The following FGF23 variants were observed in gnomAD, a reference collection of about 807,000 sequenced individuals.
The protein encoded by FGF23 is fibroblast growth factor 23.
Under a neutral mutation model 9.0 loss-of-function variants are expected in FGF23, and 8 were observed. That is an observed-to-expected ratio of 0.89 (90% CI 0.52 to 1.60). The LOEUF is 1.60. Ranked by LOEUF, FGF23 falls within the 40% of genes most tolerant of loss-of-function variation. The pLI is 0.00. For missense variants in FGF23, 311 were observed against 344.3 expected, an observed-to-expected ratio of 0.90 and a Z score of 0.77; for synonymous variants, 118 against 146.2, an observed-to-expected ratio of 0.81 and a Z score of 1.39.
Position 4,370,314 on chromosome 12 carries a change from G to T in FGF23, c.*29C>A. On this transcript the variant is annotated 3_prime_UTR_variant, in exon 3 of 3. Transcript: ENST00000237837. ...GGAAGAGCTGCGTTTGCTGAGGGAT[G>T]GGTTAAAGAGGGTGCCCTTCCAGCG... The T allele has an allele frequency of 6.2e-7, 1 of 1,601,628 alleles. No individual in the cohort carries two copies. The highest frequency in any genetic ancestry group is 8.5e-7 in the Non-Finnish European group (1 of 1,171,362).
intron 2 of FGF23, 29 bp downstream of exon 2, chr12:4,372,565 A>AT (rs749444252): frequency 7.5e-7 from 1 of 1,333,448 alleles, no homozygotes; most frequent in Non-Finnish European, 1.1e-6. Context: ...TTGTTTGCAA[A>AT]TGGTGACCAA....
chr12:4,370,292 A>C lies in FGF23; in HGVS notation c.*51T>G, dbSNP rs1865046425. 2,233 of 1,483,250 alleles carry C rather than the reference A, an allele frequency of 1.5e-3. No homozygotes were observed. Among genetic ancestry groups the C allele is most frequent in the Non-Finnish European group, 1.9e-3 (2,041 of 1,066,800 alleles). The allele number at this position is 1,483,250 out of a possible 1,614,324, so 91.9% of individuals were successfully genotyped here. A position where few individuals can be genotyped will look rare whatever the true frequency, so the allele number is the denominator to read the frequency against. ...ACGTCAAGGGACCTGGTCCTTGGGA[A>C]GAGCTGCGTTTGCTGAGGGATGGGT... On this transcript the variant is annotated 3_prime_UTR_variant, in exon 3 of 3. Coordinates refer to ENST00000237837, the MANE Select transcript of FGF23 (RefSeq NM_020638.3).
At chr12:4,370,843 G>T (rs765302649) in intron 2 of FGF23, 60 bp from the exon 3 acceptor site, 80 of 1,411,220 alleles carry the variant, frequency 5.7e-5, no homozygotes, top group Non-Finnish European at 7.6e-5. Context: ...CCACTCCCCA[G>T]CTCCTCCTGG....
At chr12:4,374,950 A>G (rs1450779316) in intron 1 of FGF23, among the ~76,000 whole-genome samples, 5 of 152,284 alleles carry the variant, frequency 3.3e-5, no homozygotes, top group South Asian at 4.1e-4. Flanking sequence ...TGAGAAGACA[A>G]TATCAAATGC....
At position 4,374,027 on chromosome 12, in the gene FGF23, C is replaced by G. The variant is rs13312783; in HGVS notation, c.212-1330G>C. On this transcript the variant is annotated intron_variant, in intron 1 of 2. Transcript: ENST00000237837. ...TCTCCTATCCCATGCAGGCTCAATA[C>G]AAGGACCTTTGAGGAAAATAAGCAG... is the stretch of plus-strand genomic sequence containing the variant. 1.7e-4 allele frequency among the ~76,000 whole-genome samples: 26 copies of G among 152,198 alleles called. 1 individual carries two copies. The East Asian group carries it at 5.0e-3, about 29-fold the overall frequency.
At chr12:4,374,735 C>G (rs999665673) in intron 1 of FGF23, among the ~76,000 whole-genome samples, 2 of 151,818 alleles carry the variant, frequency 1.3e-5, no homozygotes, top group African/African-American at 2.4e-5. Flanking sequence ...GGTCTTTGAG[C>G]GGTTGCACTC....
intron 1 of FGF23, among the ~76,000 whole-genome samples, chr12:4,375,491 G>A (rs1329268551): frequency 6.6e-6 from 1 of 152,202 alleles, no homozygotes; most frequent in Non-Finnish European, 1.5e-5. Context: ...CTTTCAAAAG[G>A]CATCTTTTCG....
In FGF23 at chr12:4,379,546, A is replaced by G. The variant is rs1219548269; in HGVS notation, c.37T>C (p.Leu13=). 1.2e-6 allele frequency: 2 copies of G among 1,611,458 alleles called. No individual in the cohort carries two copies. The highest frequency in any genetic ancestry group is 2.2e-5 in the South Asian group (2 of 91,042). Residue 13 remains leucine, a synonymous_variant, in exon 1 of 3, where the codon TTG becomes CTG. Transcript: ENST00000237837. The part of the protein sequence containing the change: ...GARLRLWVCA[L]CSVCSMSVLR... ...ACGCTCATGCTGCAGACGCTGCACA[A>G]GGCACAGACCCAGAGCCTGAGGCGG...
chr12:4,370,467 G>A lies in FGF23; in HGVS notation c.632C>T (p.Pro211Leu), dbSNP rs746049992. 5 of 1,612,310 alleles carry A rather than the reference G, an allele frequency of 3.1e-6. No homozygotes were observed. Among genetic ancestry groups the A allele is most frequent in the African/African-American group, 1.3e-5 (1 of 74,728 alleles). ...CATCGGGCTGTTGTCCTCGGCGCTCGGGAGCTCCTGTGAACAGGAGGCCGG... is the reference window on the plus strand; with the variant it reads ...CATCGGGCTGTTGTCCTCGGCGCTCAGGAGCTCCTGTGAACAGGAGGCCGG... ...PAPASCSQEL[P>L]SAEDNSPMAS... The change falls in exon 3 of 3, where the codon CCG (proline) becomes CTG (leucine). Residue 211 changes from proline to leucine, a missense_variant. This residue lies in a region of FGF23 where 206 missense variants were observed against 219.2 expected (regional missense o/e 0.94). Transcript: ENST00000237837.
chr12:4,372,780 A>G, intron 1 of FGF23, 83 bp from the exon 2 acceptor site: 1 of 870,140 alleles, frequency 1.1e-6, no homozygotes, highest in Non-Finnish European at 2.0e-6. Context: ...TACCTTCATG[A>G]AACCTCCCTG....
At chr12:4,379,107 T>A (rs1489403102) in intron 1 of FGF23, among the ~76,000 whole-genome samples, 1 of 151,918 alleles carries the variant, frequency 6.6e-6, no homozygotes, top group Non-Finnish European at 1.5e-5. Flanking sequence ...GTGGGAAGGG[T>A]TTTAGTTGAA....
At position 4,377,422 on chromosome 12, in the gene FGF23, C is replaced by CTTTT. The variant is rs11397562; in HGVS notation, c.211+1946_211+1949dup. Among the ~76,000 whole-genome samples, 456 of 69,530 alleles carry CTTTT rather than the reference C, an allele frequency of 6.6e-3. 110 individuals are homozygous for CTTTT. Among genetic ancestry groups the CTTTT allele is most frequent in the Non-Finnish European group, 9.1e-3 (360 of 39,694 alleles). 45.6% of individuals were successfully genotyped at this position (69,530 alleles called of 152,430 possible). On this transcript the variant is annotated intron_variant, in intron 1 of 2. Transcript: ENST00000237837. ...TTCTGCATTTTAAATCACATATAGTCTTTTTTTTTTTTTTTTTTTTTTTTT... is the reference window on the plus strand; with the variant it reads ...TTCTGCATTTTAAATCACATATAGTCTTTTTTTTTTTTTTTTTTTTTTTTTTTTT...
chr12:4,375,938 A>G (rs781679397), intron 1 of FGF23, among the ~76,000 whole-genome samples: 1 of 152,214 alleles, frequency 6.6e-6, no homozygotes, highest in Non-Finnish European at 1.5e-5. Flanking sequence ...AGTAAGTGAT[A>G]AATAAGATGA....
rs13312785 is a variant in FGF23, at chr12:4,373,701, A to C, written c.212-1004T>G. ...TTTGTGGCAAAGGCACAATTAGATC[A>C]TATACTGGTGTAACATGCGTGATAA... On this transcript the variant is annotated intron_variant, in intron 1 of 2. Coordinates refer to ENST00000237837, the MANE Select transcript of FGF23 (RefSeq NM_020638.3). 1.8e-3 allele frequency among the ~76,000 whole-genome samples: 279 copies of C among 152,336 alleles called. 1 individual carries two copies. The highest frequency in any genetic ancestry group is 6.4e-3 in the African/African-American group (267 of 41,578).
chr12:4,373,277 T>A (rs1316207533), intron 1 of FGF23, among the ~76,000 whole-genome samples: 1 of 152,192 alleles, frequency 6.6e-6, no homozygotes, highest in Non-Finnish European at 1.5e-5. Context: ...GGCTCAGGCG[T>A]CACCATCTCT....
At chr12:4,372,014 A>C (rs1296776452) in intron 2 of FGF23, among the ~76,000 whole-genome samples, 1 of 151,814 alleles carries the variant, frequency 6.6e-6, no homozygotes, top group Non-Finnish European at 1.5e-5. Context: ...TGATGAGTTC[A>C]TGTCCTTTGT....
rs7955866 is a variant in FGF23 at position 4,370,383 on chromosome 12, G to A, written c.716C>T (p.Thr239Met). 0.12 allele frequency: 190,120 copies of A among 1,613,426 alleles called. 12,004 individuals carry two copies. Among genetic ancestry groups the A allele is most frequent in the Admixed American group, 0.2 (12,047 of 60,006 alleles). ...GAAGGGGCGGCAGCCTTCCGGGCCCGTTCCCCCAGCGTGCGTGTTCACTCG... is the reference window on the plus strand; with the variant it reads ...GAAGGGGCGGCAGCCTTCCGGGCCCATTCCCCCAGCGTGCGTGTTCACTCG... ...GGRVNTHAGG[T>M]GPEGCRPFAK... The change falls in exon 3 of 3, where the codon ACG becomes ATG. Residue 239 changes from threonine (T) to methionine (M), a missense_variant. Thr to Met is a moderately conservative substitution (Grantham distance 81). This residue lies in a region of FGF23 where 206 missense variants were observed against 219.2 expected (regional missense o/e 0.94). Transcript: ENST00000237837.
rs199942154 is a variant in FGF23, at chr12:4,372,747, C to T, written c.212-50G>A. ...AAGACTCATTGCCATCCAATTCCCA[C>T]CTTCAAGCACCTCCTGAAAACCTAC... is the stretch of plus-strand genomic sequence containing the variant. On this transcript the variant is annotated intron_variant, in intron 1 of 2. Coordinates refer to ENST00000237837, the MANE Select transcript of FGF23 (RefSeq NM_020638.3). 3.3e-5 allele frequency: 39 copies of T among 1,178,032 alleles called. No individual in the cohort carries two copies. In the African/African-American group the frequency reaches 4.6e-4, roughly 14 times the overall value. 73.0% of individuals were successfully genotyped at this position (1,178,032 alleles called of 1,614,324 possible). A position where few individuals can be genotyped will look rare whatever the true frequency, so the allele number is the denominator to read the frequency against.
intron 1 of FGF23, among the ~76,000 whole-genome samples, chr12:4,376,620 C>T (rs1865118804): frequency 6.6e-6 from 1 of 152,008 alleles, no homozygotes; most frequent in South Asian, 2.1e-4. Flanking sequence ...CTCTGGGGTA[C>T]AAGCGATTCT....
Sources: allele counts gnomAD v4.1 joint callset (sites outside exome capture counted in the v4.1 genomes callset), GRCh38; gene constraint gnomAD v4.1.1; regional missense constraint gnomAD v4.1.1; transcripts MANE v1.5; gene names NCBI Gene and HGNC (gene_info 2026-07-23, HGNC 2026-07-21).